The following TRERF1 variants were observed in gnomAD, a reference collection of about 807,000 sequenced individuals.
TRERF1 encodes the protein transcriptional-regulating factor 1.
A neutral mutation model predicts 122.9 loss-of-function variants in TRERF1; 27 were observed. That is an observed-to-expected ratio of 0.22 (90% CI 0.16 to 0.30). TRERF1 has a LOEUF of 0.30. Among genes scored for constraint, TRERF1 ranks in the 10% least tolerant of loss-of-function variants. The probability of loss-of-function intolerance (pLI) is 1.00; values close to 1 mark genes in which losing one functional copy is unlikely to be tolerated. For synonymous variants in TRERF1, 636 were observed against 641.7 expected, an observed-to-expected ratio of 0.99 and a Z score of 0.13; for missense variants, 1,248 against 1,560.3, an observed-to-expected ratio of 0.80 and a Z score of 3.37.
chr6:42,293,647 G>A (rs2150168345), intron 4 of TRERF1, among the ~76,000 whole-genome samples: 1 of 151,980 alleles, frequency 6.6e-6, no homozygotes, highest in African/African-American at 2.4e-5. Context: ...TTAGTTCCGT[G>A]AACACAGATT....
At chr6:42,233,410 C>A (rs964432506) in intron 16 of TRERF1, among the ~76,000 whole-genome samples, 1 of 151,748 alleles carries the variant, frequency 6.6e-6, no homozygotes, top group African/African-American at 2.4e-5. Context: ...CTCAGCCTCC[C>A]GAGTAGCTGG....
At chr6:42,329,780 G>A (rs1583065604) in intron 3 of TRERF1, among the ~76,000 whole-genome samples, 1 of 152,072 alleles carries the variant, frequency 6.6e-6, no homozygotes, top group African/African-American at 2.4e-5. Flanking sequence ...CATGAGGTCA[G>A]GAGTTTGAGA....
rs561811616 is a variant in TRERF1 at position 42,296,794 on chromosome 6, A to G, written c.-259+3844T>C. On this transcript the variant is annotated intron_variant, in intron 4 of 17. Coordinates refer to ENST00000372922, the Ensembl canonical transcript of TRERF1. ...AGTAGCATAAGGAGGAAAGGAAGCC[A>G]AGGTCTGGATGAGAAGCCCACGGGA... is the stretch of plus-strand genomic sequence containing the variant. Among the ~76,000 whole-genome samples the G allele has an allele frequency of 2.0e-5, 3 of 152,314 alleles. No individual in the cohort carries two copies. The South Asian group carries it at 6.2e-4, about 32-fold the overall frequency.
chr6:42,450,676 G>C (rs1187520458), intron 2 of TRERF1, among the ~76,000 whole-genome samples: 2 of 152,170 alleles, frequency 1.3e-5, no homozygotes, highest in African/African-American at 4.8e-5. Context: ...TAAGACCACC[G>C]GCAGTAACTT....
chr6:42,300,924 C>T (rs1786047936), intron 3 of TRERF1, among the ~76,000 whole-genome samples, 175 bp from the exon 4 acceptor site: 1 of 152,148 alleles, frequency 6.6e-6, no homozygotes, highest in Non-Finnish European at 1.5e-5. Context: ...TTTCCAAAGG[C>T]CTGCAATGTG....
At chr6:42,310,435 T>C (rs1788041977) in intron 3 of TRERF1, among the ~76,000 whole-genome samples, 1 of 152,216 alleles carries the variant, frequency 6.6e-6, no homozygotes, top group Non-Finnish European at 1.5e-5. Flanking sequence ...AATTCTTTGT[T>C]GTTGGTGGGG....
chr6:42,236,469 T>A, intron 15 of TRERF1, 58 bp from the exon 16 acceptor site: 1 of 1,529,652 alleles, frequency 6.5e-7, no homozygotes, highest in South Asian at 1.2e-5. Flanking sequence ...TTCTTAGTGA[T>A]GAACAGAACT....
intron 3 of TRERF1, among the ~76,000 whole-genome samples, chr6:42,333,151 T>C (rs1440195562): frequency 2.0e-5 from 3 of 152,236 alleles, no homozygotes; most frequent in South Asian, 2.1e-4. Context: ...TGTTCCTTAA[T>C]AGAGATGGAT....
At chr6:42,255,023 G>C in intron 12 of TRERF1, 97 bp from the exon 13 acceptor site, 1 of 1,236,038 alleles carries the variant, frequency 8.1e-7, no homozygotes, top group South Asian at 1.2e-5. Flanking sequence ...TTAGCACTGT[G>C]GAGGTCAGGG....
chr6:42,278,874 C>T (rs1195637140), intron 4 of TRERF1, among the ~76,000 whole-genome samples: 1 of 152,076 alleles, frequency 6.6e-6, no homozygotes, highest in East Asian at 1.9e-4. Flanking sequence ...CATGAGGGCC[C>T]CTGGCCTCAT....
At chr6:42,277,906 GAAGAA>G in intron 4 of TRERF1, among the ~76,000 whole-genome samples, 1 of 9,896 alleles carries the variant, frequency 1.0e-4, no homozygotes, top group Admixed American at 1.1e-3. Flanking sequence ...AAGGAAGAAG[GAAGAA>G]GAAGAAGAAG....
At chr6:42,251,918 G>A (rs1168893191) in intron 13 of TRERF1, among the ~76,000 whole-genome samples, 1 of 152,168 alleles carries the variant, frequency 6.6e-6, no homozygotes. Context: ...CCAGTTCAAT[G>A]AAAAAAATCA....
chr6:42,252,699 G>C (rs1158171110), intron 13 of TRERF1, among the ~76,000 whole-genome samples: 1 of 152,192 alleles, frequency 6.6e-6, no homozygotes, highest in African/African-American at 2.4e-5. Flanking sequence ...TGGTGGCTGG[G>C]ACATGTGATG....
At chr6:42,283,316 C>T (rs984356436) in intron 4 of TRERF1, among the ~76,000 whole-genome samples, 30 of 152,226 alleles carry the variant, frequency 2.0e-4, no homozygotes, top group South Asian at 2.1e-4. Flanking sequence ...CACTGAGCAT[C>T]GGTTTTGTGG....
At chr6:42,346,157 G>A (rs1203585499) in intron 3 of TRERF1, among the ~76,000 whole-genome samples, 2 of 152,238 alleles carry the variant, frequency 1.3e-5, no homozygotes, top group Non-Finnish European at 2.9e-5. Context: ...TGCTCAGGCT[G>A]AGCCAGCAGC....
chr6:42,431,725 A>C (rs1784528570), intron 2 of TRERF1, among the ~76,000 whole-genome samples: 2 of 148,236 alleles, frequency 1.3e-5, no homozygotes, highest in Admixed American at 6.7e-5. Context: ...CACACCAGGG[A>C]CCCCCCAACC....
chr6:42,420,191 TC>T (rs1482872766), intron 2 of TRERF1, among the ~76,000 whole-genome samples: 1 of 152,184 alleles, frequency 6.6e-6, no homozygotes, highest in Non-Finnish European at 1.5e-5. Context: ...AGTTTCCTCT[TC>T]CCTAAATGAA....
At chr6:42,432,575 C>T (rs1582199515) in intron 2 of TRERF1, among the ~76,000 whole-genome samples, 1 of 152,176 alleles carries the variant, frequency 6.6e-6, no homozygotes, top group East Asian at 1.9e-4. Context: ...GGCACAGTGG[C>T]TCACACCTGT....
chr6:42,285,424 G>C (rs1280973823), intron 4 of TRERF1, among the ~76,000 whole-genome samples: 2 of 152,042 alleles, frequency 1.3e-5, no homozygotes, highest in Admixed American at 6.6e-5. Context: ...CATGTCGTCT[G>C]CAAACAGGGA....
Sources: gnomAD v4.1 joint callset for allele counts (sites outside exome capture counted in the v4.1 genomes callset) on GRCh38, gnomAD v4.1.1 for gene constraint, MANE v1.5 for transcripts, NCBI Gene and HGNC (gene_info 2026-07-23, HGNC 2026-07-21) for gene names.